The following SORCS1 variants were observed in gnomAD, a reference collection of about 807,000 sequenced individuals.
SORCS1 encodes VPS10 domain-containing receptor SorCS1.
SORCS1 carries 60 observed loss-of-function variants against 146.1 expected under a neutral mutation model. The ratio of observed to expected loss-of-function variants is 0.41; its 90% CI spans 0.33 to 0.51. SORCS1 has a LOEUF of 0.51. SORCS1 is among the 20% of genes least tolerant of loss of function. SORCS1 has a pLI of 0.21. For missense variants in SORCS1, 1,352 were observed against 1,487.6 expected (o/e 0.91, Z 1.50); for synonymous variants, 637 against 584.0 (o/e 1.09, Z -1.31).
chr10:106,745,693 T>C (rs559770431), intron 5 of SORCS1, among the ~76,000 whole-genome samples: 19 of 152,346 alleles, frequency 1.2e-4, no homozygotes, highest in Admixed American at 9.1e-4. Context: ...TGAACTTAGT[T>C]ACTTGCTTCC....
At chr10:106,718,458 A>G (rs12256586) in intron 6 of SORCS1, among the ~76,000 whole-genome samples, 5,702 of 152,316 alleles carry the variant, frequency 0.037, 317 homozygotes, top group African/African-American at 0.12. Context: ...AGATGTGTCC[A>G]GAGTTTCTTC....
intron 3 of SORCS1, among the ~76,000 whole-genome samples, chr10:106,798,501 T>C (rs1946700520): frequency 2.7e-5 from 4 of 146,872 alleles, no homozygotes; most frequent in Admixed American, 2.7e-4. Flanking sequence ...AGTGTTCTCA[T>C]TGTTCAATTC....
intron 24 of SORCS1, among the ~76,000 whole-genome samples, chr10:106,582,575 T>C (rs572416562): frequency 9.2e-4 from 140 of 152,344 alleles, no homozygotes; most frequent in African/African-American, 3.1e-3. Context: ...TGTGTTTTGC[T>C]GAGGGATGGA....
At chr10:106,852,323 C>A (rs546257780) in intron 2 of SORCS1, among the ~76,000 whole-genome samples, 1 of 152,134 alleles carries the variant, frequency 6.6e-6, no homozygotes, top group East Asian at 1.9e-4. Context: ...GTAGATGTTT[C>A]TTGTCAATTT....
intron 2 of SORCS1, among the ~76,000 whole-genome samples, chr10:106,922,002 C>G (rs1470492452): frequency 6.6e-6 from 1 of 152,180 alleles, no homozygotes; most frequent in Non-Finnish European, 1.5e-5. Flanking sequence ...ATCTGCTGAA[C>G]TTCTGAAGTC....
intron 6 of SORCS1, among the ~76,000 whole-genome samples, chr10:106,709,615 A>AT (rs1429392248): frequency 1.3e-5 from 2 of 151,696 alleles, no homozygotes; most frequent in African/African-American, 4.8e-5. Context: ...TGCCCGGCTA[A>AT]TTTTTTGTAT....
rs775799438 is a variant in SORCS1 at position 106,679,358 on chromosome 10, G to A, written c.1664-26C>T. On this transcript the variant is annotated intron_variant, in intron 11 of 25. Transcript: ENST00000263054. ...CTAGAAAGAGAAAGGTGCCATTAGTGAAAAGAACTTTCTGCAAAAGCAACA... is the reference window on the plus strand; with the variant it reads ...CTAGAAAGAGAAAGGTGCCATTAGTAAAAAGAACTTTCTGCAAAAGCAACA... 8 of 1,569,814 alleles carry A rather than the reference G, an allele frequency of 5.1e-6. No individual in the cohort carries two copies. The Middle Eastern group carries it at 5.1e-4, about 99-fold the overall frequency.
intron 18 of SORCS1, among the ~76,000 whole-genome samples, chr10:106,646,531 A>C (rs954353490): frequency 3.3e-5 from 5 of 151,958 alleles, no homozygotes; most frequent in Non-Finnish European, 7.4e-5. Context: ...CCCCGTCTCT[A>C]CTAAAAATAC....
intron 2 of SORCS1, among the ~76,000 whole-genome samples, chr10:106,949,618 G>T (rs1051099505): frequency 6.6e-6 from 1 of 152,194 alleles, no homozygotes; most frequent in South Asian, 2.1e-4. Flanking sequence ...GACAGGGCTG[G>T]CTACCAATAC....
intron 2 of SORCS1, among the ~76,000 whole-genome samples, chr10:106,899,433 C>G (rs1951612645): frequency 1.3e-5 from 2 of 152,222 alleles, no homozygotes; most frequent in African/African-American, 4.8e-5. Flanking sequence ...TCAAAAGCGT[C>G]CAACTCTCTC....
At chr10:106,945,583 G>A (rs1306290227) in intron 2 of SORCS1, among the ~76,000 whole-genome samples, 1 of 152,152 alleles carries the variant, frequency 6.6e-6, no homozygotes, top group Non-Finnish European at 1.5e-5. Flanking sequence ...GTACTAAAAT[G>A]GGAATTAATA....
chr10:106,797,019 C>T (rs35123455), intron 3 of SORCS1, among the ~76,000 whole-genome samples: 1 of 152,012 alleles, frequency 6.6e-6, no homozygotes, highest in Admixed American at 6.6e-5. Context: ...AGGCAGGAGA[C>T]TCGCTTGAAC....
chr10:106,576,695 C>T lies in SORCS1; in HGVS notation c.*725G>A, dbSNP rs1293629393. On this transcript the variant is annotated 3_prime_UTR_variant, in exon 26 of 26. Coordinates refer to ENST00000263054, the MANE Select transcript of SORCS1 (RefSeq NM_052918.5). ...GGCCACAGAGAGTGCAGAAAGCAGC[C>T]TTGTGGCCACTGCTGACCAACAGAG... 1 of 152,774 alleles carries T rather than the reference C, an allele frequency of 6.5e-6. No individual in the cohort carries two copies. The highest frequency in any genetic ancestry group is 1.5e-5 in the Non-Finnish European group (1 of 68,506). The allele number at this position is 152,774 out of a possible 1,614,324, so 9.5% of individuals were successfully genotyped here.
intron 18 of SORCS1, among the ~76,000 whole-genome samples, chr10:106,630,123 T>G (rs751176100): frequency 5.3e-5 from 8 of 152,084 alleles, no homozygotes; most frequent in Non-Finnish European, 1.0e-4. Context: ...CTCCACTTCC[T>G]GTGTCTTCAA....
Position 106,576,703 on chromosome 10 carries a change from C to T in SORCS1, c.*717G>A, listed in dbSNP as rs1386002577. 1 of 152,826 alleles carries T rather than the reference C, an allele frequency of 6.5e-6. No individual in the cohort carries two copies. Among genetic ancestry groups the T allele is most frequent in the Admixed American group, 6.5e-5 (1 of 15,306 alleles). The allele number at this position is 152,826 out of a possible 1,614,324, so 9.5% of individuals were successfully genotyped here. A position where few individuals can be genotyped will look rare whatever the true frequency, so the allele number is the denominator to read the frequency against. ...AGAGTGCAGAAAGCAGCCTTGTGGC[C>T]ACTGCTGACCAACAGAGCTACCAAA... On this transcript the variant is annotated 3_prime_UTR_variant, in exon 26 of 26. Transcript: ENST00000263054.
At chr10:106,814,576 CA>C (rs1947634334) in intron 3 of SORCS1, among the ~76,000 whole-genome samples, 1 of 152,170 alleles carries the variant, frequency 6.6e-6, no homozygotes, top group African/African-American at 2.4e-5. Context: ...CATTCATACT[CA>C]CAGTTCTGTA....
intron 1 of SORCS1, among the ~76,000 whole-genome samples, chr10:107,011,806 C>T (rs1182326176): frequency 6.6e-6 from 1 of 152,096 alleles, no homozygotes. Context: ...TTACTGTATG[C>T]CATGGAGATC....
Position 107,060,457 on chromosome 10 carries a change from G to A in SORCS1, c.558+103512C>T, listed in dbSNP as rs142003489. Among the ~76,000 whole-genome samples the A allele has an allele frequency of 2.4e-4, 36 of 151,598 alleles. No homozygotes were observed. Among genetic ancestry groups the A allele is most frequent in the African/African-American group, 7.6e-4 (31 of 40,978 alleles). ...TCATGTACTTAGTGAAGCCTCAGAC[G>A]TAGCAAACCTAAAAATGGAAGCTGC... On this transcript the variant is annotated intron_variant, in intron 1 of 25. Transcript: ENST00000263054. This position sits in a 1 kb window ranked among gnomAD's most constrained non-coding sequence, Gnocchi z 4.1.
intron 2 of SORCS1, among the ~76,000 whole-genome samples, chr10:106,842,394 C>G (rs534640533): frequency 6.6e-6 from 1 of 151,934 alleles, no homozygotes; most frequent in Non-Finnish European, 1.5e-5. Context: ...CCACCAGGCC[C>G]GGCTAATTTT....
Sources: allele counts gnomAD v4.1 joint callset (sites outside exome capture counted in the v4.1 genomes callset), GRCh38; gene constraint gnomAD v4.1.1; non-coding constraint Gnocchi (gnomAD v3.1); transcripts MANE v1.5; gene names NCBI Gene and HGNC (gene_info 2026-07-23, HGNC 2026-07-21).